The following UMOD variants were observed in gnomAD, a reference collection of about 807,000 sequenced individuals.
UMOD encodes the protein Tamm-Horsfall urinary glycoprotein.
In UMOD, 64 loss-of-function variants were observed where a neutral mutation model predicts 66.0. The observed-to-expected ratio is 0.97, with a 90% CI of 0.79 to 1.19. The LOEUF is 1.19. Ranked by LOEUF, UMOD falls within the 50% of genes most tolerant of loss-of-function variation. The probability of loss-of-function intolerance (pLI) is 0.00; values close to 1 mark genes in which losing one functional copy is unlikely to be tolerated. For synonymous variants in UMOD, 398 were observed against 352.7 expected (o/e 1.13, Z -1.44); for missense variants, 764 against 850.9 (o/e 0.90, Z 1.27).
upstream of UMOD, among the ~76,000 whole-genome samples, chr16:20,355,711 T>A (rs934589646): frequency 6.6e-6 from 1 of 152,164 alleles, no homozygotes; most frequent in African/African-American, 2.4e-5. Flanking sequence ...GAAACACTTT[T>A]CTCTCTTAAC....
intron 4 of UMOD, among the ~76,000 whole-genome samples, chr16:20,347,432 C>G (rs1341504540): frequency 6.6e-6 from 1 of 152,200 alleles, no homozygotes; most frequent in African/African-American, 2.4e-5. Context: ...AAGTATTTTT[C>G]TAATTTTTAG....
At chr16:20,335,401 T>C in intron 10 of UMOD, 81 bp downstream of exon 10, 2 of 1,426,672 alleles carry the variant, frequency 1.4e-6, no homozygotes, top group South Asian at 1.2e-5. Flanking sequence ...AGAGTTGCTA[T>C]GAAGCATTAC....
intron 7 of UMOD, among the ~76,000 whole-genome samples, chr16:20,337,863 G>A (rs1380002914): frequency 6.6e-6 from 1 of 152,126 alleles, no homozygotes; most frequent in Non-Finnish European, 1.5e-5. Flanking sequence ...GGAAACCTCT[G>A]GGTACCGAGA....
At chr16:20,333,803 G>A (rs1399207318) in intron 10 of UMOD, among the ~76,000 whole-genome samples, 1 of 152,110 alleles carries the variant, frequency 6.6e-6, no homozygotes, top group Non-Finnish European at 1.5e-5. Flanking sequence ...GGAGGCCAAG[G>A]CAGGCAGATC....
At chr16:20,341,518 G>T (rs141733080) in intron 6 of UMOD, among the ~76,000 whole-genome samples, 182 bp from the exon 7 acceptor site, 160 of 152,314 alleles carry the variant, frequency 1.1e-3, no homozygotes, top group Non-Finnish European at 2.0e-3. Context: ...GTCAACTTGG[G>T]ATCTAGATAA....
rs1268996808 is a variant in UMOD at position 20,348,518 on chromosome 16, G to T, written c.783C>A (p.Ser261=). ...CGCCGGCACAGGCCTTCACCTGGAC[G>T]GACGCATCCCACAGGCAGCAGTGGC... ...WSGHCCLWDA[S]VQVKACAGGY... Residue 261 remains serine (S), a synonymous_variant, in exon 3 of 11, where the codon TCC becomes TCA. Transcript: ENST00000396138. The T allele has an allele frequency of 5.6e-6, 9 of 1,607,362 alleles. No individual in the cohort carries two copies. The South Asian group carries it at 8.8e-5, about 16-fold the overall frequency.
intron 2 of UMOD, 36 bp downstream of exon 2, chr16:20,350,614 A>G: frequency 6.2e-7 from 1 of 1,611,962 alleles, no homozygotes. Context: ...ACACGTGCAT[A>G]CACACATATA....
intron 10 of UMOD, among the ~76,000 whole-genome samples, chr16:20,334,032 CAAA>C (rs575596167): frequency 3.5e-5 from 2 of 57,112 alleles, no homozygotes; most frequent in Non-Finnish European, 6.7e-5. Context: ...GATTCCATCT[CAAA>C]AAAAAAAAAA....
intron 6 of UMOD, chr16:20,342,605 G>A (rs968047111): frequency 3.9e-5 from 6 of 152,220 alleles, no homozygotes; most frequent in Admixed American, 3.9e-4. Context: ...GAAGGTCATG[G>A]TCAAGTGGAG....
intron 6 of UMOD, 120 bp downstream of exon 6, chr16:20,343,904 A>G: frequency 7.9e-7 from 1 of 1,258,150 alleles, no homozygotes. Flanking sequence ...CCATTGGGCA[A>G]CCCTGATTCC....
chr16:20,337,620 A>G (rs1699964805), intron 7 of UMOD, among the ~76,000 whole-genome samples, 167 bp from the exon 8 acceptor site: 1 of 152,228 alleles, frequency 6.6e-6, no homozygotes, highest in African/African-American at 2.4e-5. Flanking sequence ...AAATGATCGC[A>G]GCCCATGTGA....
Position 20,341,884 on chromosome 16 carries a change from A to G in UMOD, c.1332-548T>C, listed in dbSNP as rs553611318. ...AAATGAGTTATTTTTAACCACACTG[A>G]AAACAGCCACACTGATGTGAACTTC... On this transcript the variant is annotated intron_variant, in intron 6 of 10. Transcript: ENST00000396138. Among the ~76,000 whole-genome samples the G allele has an allele frequency of 5.3e-5, 8 of 152,376 alleles. No individual in the cohort carries two copies. The South Asian group carries it at 1.7e-3, about 32-fold the overall frequency.
At chr16:20,352,826 AT>A, upstream of UMOD, 1 of 983,516 alleles carries the variant, frequency 1.0e-6, no homozygotes, top group Non-Finnish European at 1.3e-6. Flanking sequence ...GGGGTGGAAT[AT>A]TTTTTCCTCC....
chr16:20,349,901 A>AG (rs1483194002), intron 2 of UMOD: 2 of 1,518,670 alleles, frequency 1.3e-6, no homozygotes, highest in Admixed American at 4.8e-5. Flanking sequence ...TAAAAAAAAA[A>AG]AGAAGCTGTT....
chr16:20,352,094 G>T (rs781274317), intron 1 of UMOD, among the ~76,000 whole-genome samples: 6 of 150,062 alleles, frequency 4.0e-5, no homozygotes, highest in Admixed American at 6.7e-5. Flanking sequence ...GCATGTATGT[G>T]CACACACACA....
chr16:20,346,764 C>T (rs1425485896), intron 4 of UMOD, among the ~76,000 whole-genome samples: 1 of 152,002 alleles, frequency 6.6e-6, no homozygotes, highest in East Asian at 1.9e-4. Context: ...TACGCATCTC[C>T]CACAGTAGTA....
intron 7 of UMOD, among the ~76,000 whole-genome samples, chr16:20,339,879 A>G (rs1353035278): frequency 1.3e-5 from 2 of 152,196 alleles, no homozygotes; most frequent in Non-Finnish European, 2.9e-5. Context: ...TTTTCAACTT[A>G]TGAACGAGAA....
chr16:20,347,137 C>T (rs1223094808), intron 4 of UMOD, among the ~76,000 whole-genome samples: 1 of 152,202 alleles, frequency 6.6e-6, no homozygotes, highest in African/African-American at 2.4e-5. Context: ...ATTCTCCTGC[C>T]TCAGCCTCCC....
chr16:20,350,886 C>T (rs1446522383), intron 1 of UMOD, 47 bp from the exon 2 acceptor site: 2 of 1,512,640 alleles, frequency 1.3e-6, no homozygotes, highest in South Asian at 1.2e-5. Flanking sequence ...AACTCTCCTC[C>T]CCACAGCTGG....
Sources: allele counts gnomAD v4.1 joint callset (sites outside exome capture counted in the v4.1 genomes callset), GRCh38; gene constraint gnomAD v4.1.1; transcripts MANE v1.5; gene names NCBI Gene and HGNC (gene_info 2026-07-23, HGNC 2026-07-21).